PARD3B: variants seen among roughly 807,000 people sequenced by gnomAD.
The protein encoded by PARD3B is partitioning defective 3 homolog B.
A neutral mutation model predicts 130.2 loss-of-function variants in PARD3B; 103 were observed. The observed-to-expected ratio is 0.79, with a 90% CI of 0.67 to 0.93. The LOEUF is 0.93. PARD3B is among the 40% of genes least tolerant of loss of function. PARD3B has a pLI of 0.00. For synonymous variants in PARD3B, 583 were observed against 553.2 expected (o/e 1.05, Z -0.76); for missense variants, 1,609 against 1,499.2 (o/e 1.07, Z -1.21).
chr2:205,381,213 AATATATATT>A (rs541711001), intron 18 of PARD3B, among the ~76,000 whole-genome samples: 2,080 of 126,592 alleles, frequency 0.016, 86 homozygotes, highest in African/African-American at 0.059. Flanking sequence ...ATATATAAAG[AATATATATT>A]ATATATAATA....
At chr2:205,338,435 G>A (rs546443803) in intron 18 of PARD3B, among the ~76,000 whole-genome samples, 4 of 152,220 alleles carry the variant, frequency 2.6e-5, no homozygotes, top group African/African-American at 9.6e-5. Flanking sequence ...ATTACCATGG[G>A]AAAACATCAT....
intron 4 of PARD3B, among the ~76,000 whole-genome samples, chr2:205,063,373 G>A (rs1700172792): frequency 6.6e-6 from 1 of 151,874 alleles, no homozygotes; most frequent in African/African-American, 2.4e-5. Flanking sequence ...GTCAAAATTT[G>A]AGTTTTCCTG....
At chr2:204,878,689 A>G (rs937304494) in intron 2 of PARD3B, among the ~76,000 whole-genome samples, 3 of 152,174 alleles carry the variant, frequency 2.0e-5, no homozygotes, top group Non-Finnish European at 4.4e-5. Flanking sequence ...AAGTGTGTTT[A>G]TGTGTGTCAC....
chr2:205,501,921 G>A (rs1355437126), intron 21 of PARD3B, among the ~76,000 whole-genome samples: 4 of 152,068 alleles, frequency 2.6e-5, no homozygotes, highest in Admixed American at 2.6e-4. Flanking sequence ...TTTAATTTGT[G>A]TTTCCCATGC....
intron 2 of PARD3B, among the ~76,000 whole-genome samples, chr2:204,762,987 C>T (rs565753243): frequency 5.9e-5 from 9 of 152,052 alleles, no homozygotes; most frequent in African/African-American, 1.2e-4. Flanking sequence ...CTCAAACTCC[C>T]GACCTCAGGT....
At chr2:204,618,340 A>G (rs184326865) in intron 1 of PARD3B, among the ~76,000 whole-genome samples, 20 of 152,328 alleles carry the variant, frequency 1.3e-4, no homozygotes, top group East Asian at 3.9e-4. Context: ...CATATCTGCC[A>G]TGTACCACTG....
intron 21 of PARD3B, among the ~76,000 whole-genome samples, chr2:205,552,743 T>C (rs1456440024): frequency 6.6e-6 from 1 of 152,016 alleles, no homozygotes; most frequent in Non-Finnish European, 1.5e-5. Flanking sequence ...ATATGGTCTT[T>C]TCACAGCCAA....
At chr2:205,471,037 C>T (rs1277890285) in intron 20 of PARD3B, among the ~76,000 whole-genome samples, 1 of 152,160 alleles carries the variant, frequency 6.6e-6, no homozygotes, top group East Asian at 1.9e-4. Flanking sequence ...GTTGTGACCT[C>T]GTTCATACCC....
chr2:205,129,588 A>G (rs376553084), intron 10 of PARD3B, among the ~76,000 whole-genome samples: 8 of 152,020 alleles, frequency 5.3e-5, no homozygotes, highest in African/African-American at 1.9e-4. Flanking sequence ...GTCGTGTTCT[A>G]TCTCCTTTGA....
At chr2:204,743,793 G>A (rs13399555) in intron 2 of PARD3B, among the ~76,000 whole-genome samples, 6,747 of 152,146 alleles carry the variant, frequency 0.044, 206 homozygotes, top group African/African-American at 0.08. Flanking sequence ...TCAGACCGTA[G>A]CCAAGTTTCA....
chr2:205,577,951 C>T (rs1164746014), intron 22 of PARD3B, among the ~76,000 whole-genome samples: 1 of 152,182 alleles, frequency 6.6e-6, no homozygotes, highest in Non-Finnish European at 1.5e-5. Flanking sequence ...AAGAATACTG[C>T]TGATGGAAAG....
chr2:204,586,931 A>G (rs914163834), intron 1 of PARD3B, among the ~76,000 whole-genome samples: 16 of 152,214 alleles, frequency 1.1e-4, no homozygotes, highest in Admixed American at 3.9e-4. Context: ...TCTGTGGTCT[A>G]TTCCTCTCAG....
chr2:204,580,207 A>G (rs1355855030), intron 1 of PARD3B, among the ~76,000 whole-genome samples: 1 of 152,152 alleles, frequency 6.6e-6, no homozygotes. Flanking sequence ...CTAAAGAGAG[A>G]GGGGAAAGAG....
chr2:204,808,072 AC>A (rs921096274), intron 2 of PARD3B, among the ~76,000 whole-genome samples: 43 of 152,198 alleles, frequency 2.8e-4, no homozygotes, highest in Non-Finnish European at 3.2e-4. Flanking sequence ...TAGCTCATGT[AC>A]CCTATAAATA....
chr2:205,452,094 C>CCTGTT (rs2048123680), intron 20 of PARD3B, among the ~76,000 whole-genome samples: 1 of 152,156 alleles, frequency 6.6e-6, no homozygotes, highest in Non-Finnish European at 1.5e-5. Context: ...AAAGCATTAA[C>CCTGTT]AGGAAGCTTT....
chr2:205,197,554 G>A (rs553725553), intron 15 of PARD3B, among the ~76,000 whole-genome samples: 2 of 152,124 alleles, frequency 1.3e-5, no homozygotes, highest in South Asian at 4.2e-4. Context: ...GCCCTTTTGA[G>A]GCTGCTTTGC....
chr2:205,480,859 G>C (rs2049207356), intron 20 of PARD3B, among the ~76,000 whole-genome samples: 1 of 152,132 alleles, frequency 6.6e-6, no homozygotes, highest in African/African-American at 2.4e-5. Context: ...TGTCTTGAAG[G>C]GTCTACAGAT....
Position 205,258,345 on chromosome 2 carries a change from T to C in PARD3B, c.2185+12523T>C, listed in dbSNP as rs1445680844. The stretch of plus-strand genomic sequence containing the variant: ...TGCATTCGATTAGCCCAGAGTGATC[T>C]TCCACTCTATACGGCTGATTCACTC... On this transcript the variant is annotated intron_variant, in intron 16 of 22. Transcript: ENST00000406610. This position sits in a 1 kb window ranked among gnomAD's most constrained non-coding sequence, Gnocchi z 4.9. Among the ~76,000 whole-genome samples the C allele has an allele frequency of 1.3e-5, 2 of 152,136 alleles. No individual in the cohort carries two copies. The highest frequency in any genetic ancestry group is 3.9e-4 in the East Asian group (2 of 5,190).
intron 1 of PARD3B, among the ~76,000 whole-genome samples, chr2:204,652,747 G>A (rs1348974666): frequency 6.6e-6 from 1 of 151,634 alleles, no homozygotes; most frequent in Non-Finnish European, 1.5e-5. Context: ...AGCAAAAGAG[G>A]TTTAATTGAC....
Sources: allele counts gnomAD v4.1 joint callset (sites outside exome capture counted in the v4.1 genomes callset), GRCh38; gene constraint gnomAD v4.1.1; non-coding constraint Gnocchi (gnomAD v3.1); transcripts MANE v1.5; gene names NCBI Gene and HGNC (gene_info 2026-07-23, HGNC 2026-07-21).